Variants in FLYWCH1 observed in about 807,000 individuals in gnomAD.
The protein encoded by FLYWCH1 is FLYWCH-type zinc finger 1.
Under a neutral mutation model 66.4 loss-of-function variants are expected in FLYWCH1, and 75 were observed. The observed-to-expected ratio is 1.13, with a 90% confidence interval of 0.94 to 1.37. The LOEUF (loss-of-function observed/expected upper bound fraction) is 1.37. Ranked by LOEUF, FLYWCH1 falls within the 40% of genes most tolerant of loss-of-function variation. The pLI is 0.00. For synonymous variants in FLYWCH1, 595 were observed against 429.9 expected (o/e 1.38, Z -4.75); for missense variants, 1,334 against 1,001.8 (o/e 1.33, Z -4.48).
intron 8 of FLYWCH1, among the ~76,000 whole-genome samples, chr16:2,938,860 T>G (rs2071140269): frequency 6.6e-6 from 1 of 151,558 alleles, no homozygotes; most frequent in African/African-American, 2.4e-5. Context: ...GATCCGCCTG[T>G]CTTGGCCTCC....
At chr16:2,939,319 CCTGTAATCCCAGCTACG>C (rs942056512) in intron 8 of FLYWCH1, among the ~76,000 whole-genome samples, 44 of 152,290 alleles carry the variant, frequency 2.9e-4, no homozygotes, top group Admixed American at 7.9e-4. Flanking sequence ...GTGACGCATG[CCTGTAATCCCAGCTACG>C]CTGTAATCCC....
At chr16:2,937,462 G>GCTGGC in intron 7 of FLYWCH1, 78 bp downstream of exon 7, 1 of 1,418,542 alleles carries the variant, frequency 7.0e-7, no homozygotes, top group African/African-American at 1.8e-5. Context: ...GAGGCTGCCC[G>GCTGGC]TGGGGTGTTG....
chr16:2,936,606 C>A (rs1375653897), intron 6 of FLYWCH1: 6 of 457,302 alleles, frequency 1.3e-5, no homozygotes, highest in Non-Finnish European at 2.6e-5. Flanking sequence ...CAAGGCACAG[C>A]CACCCGCCAG....
At chr16:2,925,830 C>G (rs2070548202) in intron 2 of FLYWCH1, among the ~76,000 whole-genome samples, 1 of 152,154 alleles carries the variant, frequency 6.6e-6, no homozygotes, top group Non-Finnish European at 1.5e-5. Context: ...AGCCGCTCCC[C>G]TCTGCGTTGT....
chr16:2,933,645 G>A, intron 5 of FLYWCH1, 63 bp downstream of exon 5: 1 of 1,564,070 alleles, frequency 6.4e-7, no homozygotes, highest in Non-Finnish European at 8.7e-7. Flanking sequence ...GAGGTCCAGG[G>A]AGGGAAGGGG....
rs1378129906 is a variant in FLYWCH1 at position 2,949,674 on chromosome 16, G to A, written c.*947G>A. On this transcript the variant is annotated 3_prime_UTR_variant, in exon 10 of 10. Coordinates refer to ENST00000253928, the MANE Select transcript of FLYWCH1 (RefSeq NM_001308068.2). ...CTTCACTCCCACCCTGTAATTGTGG[G>A]GGGAGTGCCAGCAACAGGCCTGTCC... is the stretch of plus-strand genomic sequence containing the variant. 1 of 152,092 alleles carries A rather than the reference G, an allele frequency of 6.6e-6. No individual in the cohort carries two copies. Among genetic ancestry groups the A allele is most frequent in the East Asian group, 1.9e-4 (1 of 5,174 alleles). The allele number at this position is 152,092 out of a possible 1,614,324, so 9.4% of individuals were successfully genotyped here. A position where few individuals can be genotyped will look rare whatever the true frequency, so the allele number is the denominator to read the frequency against.
chr16:2,915,014 T>TA (rs557037542), intron 2 of FLYWCH1, among the ~76,000 whole-genome samples: 2,194 of 142,014 alleles, frequency 0.015, 39 homozygotes, highest in South Asian at 0.049. Flanking sequence ...GTATCTACTG[T>TA]AAAAAAAAAA....
At chr16:2,936,540 C>T (rs1346372767) in intron 6 of FLYWCH1, 1 of 454,440 alleles carries the variant, frequency 2.2e-6, no homozygotes, top group South Asian at 1.6e-5. Flanking sequence ...TGCCCCAGGC[C>T]ACCTCCCCAC....
Position 2,940,084 on chromosome 16 carries a change from G to C in FLYWCH1, c.2103G>C (p.Gln701His). ...AGACGTGTTCTCCTGAAAGCCAGCA[G>C]ATTTATGGGTAATTGTATTTGTTAT... is the stretch of plus-strand genomic sequence containing the variant. ...CFKTCSPESQQIYGDIKDVRL... is the reference protein window; with the variant it reads ...CFKTCSPESQHIYGDIKDVRL... Residue 701 changes from glutamine to histidine, a missense_variant, in exon 9 of 10, where the codon CAG becomes CAC. Transcript: ENST00000253928. The C allele has an allele frequency of 7.4e-7, 1 of 1,345,868 alleles. No homozygotes were observed. Among genetic ancestry groups the C allele is most frequent in the Non-Finnish European group, 1.1e-6 (1 of 936,542 alleles). The allele number at this position is 1,345,868 out of a possible 1,614,324, so 83.4% of individuals were successfully genotyped here. A position where few individuals can be genotyped will look rare whatever the true frequency, so the allele number is the denominator to read the frequency against.
At chr16:2,934,298 G>A (rs560580515) in intron 6 of FLYWCH1, among the ~76,000 whole-genome samples, 28 of 152,284 alleles carry the variant, frequency 1.8e-4, no homozygotes, top group African/African-American at 4.8e-4. Context: ...GGTGTTGACT[G>A]CACATGGTCA....
At chr16:2,945,801 T>C (rs2071458262) in intron 9 of FLYWCH1, among the ~76,000 whole-genome samples, 2 of 151,930 alleles carry the variant, frequency 1.3e-5, no homozygotes, top group African/African-American at 2.4e-5. Context: ...ATCAAGACCA[T>C]CCTGGCTAAC....
intron 3 of FLYWCH1, 28 bp downstream of exon 3, chr16:2,930,038 A>C (rs977055314): frequency 6.3e-7 from 1 of 1,580,690 alleles, no homozygotes; most frequent in Non-Finnish European, 8.6e-7. Context: ...GCCCCTGCCC[A>C]GCCACCCCGT....
intron 6 of FLYWCH1, chr16:2,934,645 G>A (rs188908898): frequency 5.5e-4 from 249 of 456,800 alleles, no homozygotes; most frequent in African/African-American, 4.2e-3. Context: ...TGGCTCTTCC[G>A]GATCCTGCAG....
rs778687680 is a variant in FLYWCH1 at position 2,933,986 on chromosome 16, G to A, written c.1513+7G>A. ...GCGCAGCGGGGGAGCCCAGGTACCTGGGGGTGGGCTGGGAGCTGGGCCCCA... is the reference window on the plus strand; with the variant it reads ...GCGCAGCGGGGGAGCCCAGGTACCTAGGGGTGGGCTGGGAGCTGGGCCCCA... On this transcript the variant is annotated splice_region_variant and intron_variant, in intron 6 of 9. Transcript: ENST00000253928. The A allele has an allele frequency of 2.0e-6, 3 of 1,517,396 alleles. No individual in the cohort carries two copies. The highest frequency in any genetic ancestry group is 2.8e-5 in the African/African-American group (2 of 72,610). The allele number at this position is 1,517,396 out of a possible 1,614,324, so 94.0% of individuals were successfully genotyped here. A position where few individuals can be genotyped will look rare whatever the true frequency, so the allele number is the denominator to read the frequency against.
At position 2,937,123 on chromosome 16, in the gene FLYWCH1, G is replaced by A. The variant is rs372102621; in HGVS notation, c.1516G>A (p.Gly506Ser). Residue 506 changes from glycine to serine, a missense_variant and splice_region_variant, in exon 7 of 10, where the codon GGC (glycine) becomes AGC (serine). Physicochemically the swap from Gly to Ser is moderately conservative, Grantham distance 56. Coordinates refer to ENST00000253928, the MANE Select transcript of FLYWCH1 (RefSeq NM_001308068.2). ...CCTCCCCTCCCATTTCTCAACAGGA[G>A]GCCCCGAGTTCCTGAAGACGCCCCT... ...PNTAQRGSPG[G>S]PEFLKTPLGG... is the part of the protein sequence containing the mutation. 3.3e-4 allele frequency: 251 copies of A among 767,846 alleles called. No individual in the cohort carries two copies. The highest frequency in any genetic ancestry group is 4.2e-4 in the Non-Finnish European group (238 of 566,834). The allele number at this position is 767,846 out of a possible 1,614,324, so 47.6% of individuals were successfully genotyped here. A position where few individuals can be genotyped will look rare whatever the true frequency, so the allele number is the denominator to read the frequency against.
rs1432760930 is a variant in FLYWCH1 at position 2,939,911 on chromosome 16, C to T, written c.2051-121C>T. The T allele has an allele frequency of 4.2e-6, 5 of 1,177,432 alleles. No individual in the cohort carries two copies. In the African/African-American group the frequency reaches 6.2e-5, roughly 15 times the overall value. 72.9% of individuals were successfully genotyped at this position (1,177,432 alleles called of 1,614,324 possible). ...ATGCGTTGAATTCCCAGCGTTGCTT[C>T]ACCCGGTTGTCTTTCTCCTCACAGC... On this transcript the variant is annotated intron_variant, in intron 8 of 9. Coordinates refer to ENST00000253928, the MANE Select transcript of FLYWCH1 (RefSeq NM_001308068.2).
chr16:2,948,302 TA>T (rs1164993632), intron 9 of FLYWCH1, among the ~76,000 whole-genome samples: 1 of 152,038 alleles, frequency 6.6e-6, no homozygotes, highest in Non-Finnish European at 1.5e-5. Flanking sequence ...CTCATGCCTG[TA>T]ATCCCAGCAC....
chr16:2,939,413 G>A (rs188724950), intron 8 of FLYWCH1, among the ~76,000 whole-genome samples: 81 of 150,036 alleles, frequency 5.4e-4, no homozygotes, highest in Admixed American at 8.7e-4. Flanking sequence ...CCAAGATCGC[G>A]CCACTGCCCT....
intron 1 of FLYWCH1, among the ~76,000 whole-genome samples, chr16:2,912,660 G>T (rs1172119045): frequency 1.3e-5 from 2 of 152,188 alleles, no homozygotes; most frequent in Non-Finnish European, 2.9e-5. Context: ...AGTTTAAAGG[G>T]AGACGCTTGT....
Sources: gnomAD v4.1 joint callset for allele counts (sites outside exome capture counted in the v4.1 genomes callset) on GRCh38, gnomAD v4.1.1 for gene constraint, MANE v1.5 for transcripts, NCBI Gene and HGNC (gene_info 2026-07-23, HGNC 2026-07-21) for gene names.